DNM3: variants seen among roughly 807,000 people sequenced by gnomAD.
The protein encoded by DNM3 is dynamin-3.
DNM3 carries 47 observed loss-of-function variants against 101.6 expected under a neutral mutation model. That is an observed-to-expected ratio of 0.46 (90% confidence interval 0.37 to 0.59). The LOEUF is 0.59. DNM3 is among the 20% of genes least tolerant of loss of function. DNM3 has a pLI of 0.00. For synonymous variants in DNM3, 385 were observed against 387.9 expected, an observed-to-expected ratio of 0.99 and a Z score of 0.09; for missense variants, 849 against 1,085.7, an observed-to-expected ratio of 0.78 and a Z score of 3.06.
intron 13 of DNM3, among the ~76,000 whole-genome samples, chr1:172,097,186 G>A (rs2054303365): frequency 6.6e-6 from 1 of 152,128 alleles, no homozygotes; most frequent in Middle Eastern, 3.4e-3. Flanking sequence ...TGGATCACAA[G>A]GTCAAGAGAT....
chr1:171,881,538 AG>A (rs2036266520), intron 1 of DNM3, among the ~76,000 whole-genome samples: 1 of 152,198 alleles, frequency 6.6e-6, no homozygotes, highest in East Asian at 1.9e-4. Flanking sequence ...ATGAGATCAT[AG>A]GGGTCTCCAG....
chr1:172,048,321 G>A (rs2049963600), intron 9 of DNM3, among the ~76,000 whole-genome samples: 1 of 152,084 alleles, frequency 6.6e-6, no homozygotes. Context: ...CAAAGGGCAA[G>A]GAATTGATTT....
intron 14 of DNM3, among the ~76,000 whole-genome samples, chr1:172,238,545 G>C (rs138528352): frequency 0.012 from 1,847 of 152,246 alleles, 24 homozygotes; most frequent in Admixed American, 0.018. Flanking sequence ...AAGCCTAGGG[G>C]AATGAGACAT....
At chr1:171,919,973 T>A (rs1424918263) in intron 1 of DNM3, among the ~76,000 whole-genome samples, 1 of 152,170 alleles carries the variant, frequency 6.6e-6, no homozygotes, top group Non-Finnish European at 1.5e-5. Context: ...GGTATTTCAG[T>A]CGCATTTTCA....
rs745651671 is a variant in DNM3, at chr1:172,304,222, A to AAAAAAAAAAAC, written c.1770-4506_1770-4505insAAAAAAAAAAC. 3.2e-4 allele frequency among the ~76,000 whole-genome samples: 41 copies of AAAAAAAAAAAC among 128,982 alleles called. 3 individuals are homozygous for AAAAAAAAAAAC. The highest frequency in any genetic ancestry group is 1.3e-3 in the African/African-American group (36 of 28,632). The allele number at this position is 128,982 out of a possible 152,430, so 84.6% of individuals were successfully genotyped here. Reference sequence around the variant, plus strand: ...AAAGGAAAGCAAAAAAAAAAAAAAAACAGGAGTTGCAATCCTAGTCTCTGA... The same window carrying AAAAAAAAAAAC: ...AAAGGAAAGCAAAAAAAAAAAAAAAAAAAAAAAAAACCAGGAGTTGCAATCCTAGTCTCTGA... On this transcript the variant is annotated intron_variant, in intron 15 of 20. Coordinates refer to ENST00000627582, the MANE Select transcript of DNM3 (RefSeq NM_015569.5).
intron 11 of DNM3, among the ~76,000 whole-genome samples, chr1:172,074,485 G>A (rs2052472330): frequency 6.6e-6 from 1 of 151,482 alleles, no homozygotes; most frequent in Non-Finnish European, 1.5e-5. Context: ...CCCCACAACA[G>A]GCCCTGGTGT....
intron 14 of DNM3, among the ~76,000 whole-genome samples, chr1:172,164,519 C>T (rs1474596982): frequency 1.3e-5 from 2 of 151,988 alleles, no homozygotes; most frequent in African/African-American, 4.8e-5. Flanking sequence ...GACCATGTAT[C>T]TGGAGCAACC....
At chr1:171,944,336 A>AATTT (rs2042008158) in intron 2 of DNM3, among the ~76,000 whole-genome samples, 2 of 147,326 alleles carry the variant, frequency 1.4e-5, no homozygotes, top group South Asian at 4.3e-4. Flanking sequence ...ACTTTTAAAC[A>AATTT]ATGTATTTAT....
chr1:172,151,948 G>A (rs1488062702), intron 14 of DNM3, among the ~76,000 whole-genome samples: 3 of 152,052 alleles, frequency 2.0e-5, no homozygotes, highest in Non-Finnish European at 2.9e-5. Flanking sequence ...CAGTAATGGC[G>A]CACTGCAGCC....
At chr1:172,263,850 G>T (rs1014364819) in intron 15 of DNM3, among the ~76,000 whole-genome samples, 4 of 152,170 alleles carry the variant, frequency 2.6e-5, no homozygotes, top group African/African-American at 4.8e-5. Flanking sequence ...GAGAACATTT[G>T]CAATCACTAG....
At chr1:172,347,202 C>CCCG (rs1553240842) in intron 17 of DNM3, among the ~76,000 whole-genome samples, 13 of 151,668 alleles carry the variant, frequency 8.6e-5, no homozygotes, top group African/African-American at 3.1e-4. Flanking sequence ...AAGCCCCCCC[C>CCCG]GCCAAAAAAA....
intron 14 of DNM3, among the ~76,000 whole-genome samples, chr1:172,224,011 C>T (rs562616444): frequency 3.3e-5 from 5 of 152,184 alleles, no homozygotes; most frequent in Non-Finnish European, 7.3e-5. Flanking sequence ...AACTGCTTTG[C>T]TGCTTACTGA....
chr1:172,079,121 T>C (rs1049481183), intron 11 of DNM3, among the ~76,000 whole-genome samples: 4 of 152,184 alleles, frequency 2.6e-5, no homozygotes, highest in Non-Finnish European at 5.9e-5. Flanking sequence ...TTGAGGAGTA[T>C]CTTTGTGGTG....
At chr1:171,944,945 C>G (rs2042078159) in intron 2 of DNM3, among the ~76,000 whole-genome samples, 1 of 138,012 alleles carries the variant, frequency 7.2e-6, no homozygotes, top group Non-Finnish European at 1.5e-5. Flanking sequence ...CTCACTGAAG[C>G]CTTGACCTTC....
intron 1 of DNM3, among the ~76,000 whole-genome samples, chr1:171,890,608 T>C (rs2037182779): frequency 1.3e-5 from 2 of 152,192 alleles, no homozygotes; most frequent in South Asian, 2.1e-4. Flanking sequence ...GGAAAAGATA[T>C]CATTAAGTTG....
chr1:172,367,407 T>A (rs1005700255), intron 17 of DNM3, among the ~76,000 whole-genome samples: 2 of 151,652 alleles, frequency 1.3e-5, no homozygotes, highest in South Asian at 4.2e-4. Flanking sequence ...CCTAAAAACA[T>A]GCAAAAGTGT....
chr1:172,034,016 A>G (rs1415635560), intron 6 of DNM3, among the ~76,000 whole-genome samples: 3 of 152,176 alleles, frequency 2.0e-5, no homozygotes, highest in Non-Finnish European at 4.4e-5. Flanking sequence ...CTTGTAAGTT[A>G]TGCTTTAACT....
intron 13 of DNM3, among the ~76,000 whole-genome samples, chr1:172,114,882 A>T (rs962771795): frequency 3.9e-5 from 6 of 152,206 alleles, no homozygotes; most frequent in African/African-American, 1.4e-4. Context: ...TCTTGAAGTC[A>T]GTCCAAAATT....
chr1:171,965,864 C>A (rs988583068), intron 2 of DNM3, among the ~76,000 whole-genome samples: 1 of 152,160 alleles, frequency 6.6e-6, no homozygotes, highest in Non-Finnish European at 1.5e-5. Context: ...AGAATTCCAA[C>A]TTTCTAGTCA....
Sources: allele counts gnomAD v4.1 joint callset (sites outside exome capture counted in the v4.1 genomes callset), GRCh38; gene constraint gnomAD v4.1.1; transcripts MANE v1.5; gene names NCBI Gene and HGNC (gene_info 2026-07-23, HGNC 2026-07-21).